DCLK1: variants seen among roughly 807,000 people sequenced by gnomAD.
The protein encoded by DCLK1 is doublecortin like kinase 1.
Under a neutral mutation model 86.2 loss-of-function variants are expected in DCLK1, and 16 were observed. That is an observed-to-expected ratio of 0.19 (90% CI 0.13 to 0.28). The LOEUF is 0.28. Among genes scored for constraint, DCLK1 ranks in the 10% least tolerant of loss-of-function variants. The pLI, the probability that DCLK1 is intolerant of heterozygous loss-of-function variation, is 1.00. For synonymous variants in DCLK1, 369 were observed against 370.5 expected (o/e 1.00, Z 0.05); for missense variants, 590 against 940.2 (o/e 0.63, Z 4.87).
intron 2 of DCLK1, among the ~76,000 whole-genome samples, chr13:36,119,826 G>A (rs1365725270): frequency 2.0e-5 from 3 of 152,184 alleles, no homozygotes; most frequent in Non-Finnish European, 2.9e-5. Context: ...TATCAGTGGG[G>A]AAACGAAGGA....
intron 4 of DCLK1, among the ~76,000 whole-genome samples, chr13:35,901,491 CAAAA>C (rs58801666): frequency 0.044 from 2,003 of 45,564 alleles, 34 homozygotes; most frequent in African/African-American, 0.19. Context: ...GACTCTGTCT[CAAAA>C]AAAAAAAAAA....
At chr13:35,986,130 C>T (rs7981608) in intron 3 of DCLK1, among the ~76,000 whole-genome samples, 54,195 of 151,134 alleles carry the variant, frequency 0.36, 10,917 homozygotes, top group Non-Finnish European at 0.44. Context: ...GGTAAAATCC[C>T]GTCTCTACTA....
At chr13:35,783,954 T>C (rs1402385936) in intron 16 of DCLK1, among the ~76,000 whole-genome samples, 2 of 152,232 alleles carry the variant, frequency 1.3e-5, no homozygotes, top group Admixed American at 6.5e-5. Flanking sequence ...TATTTCAGCC[T>C]ATGAATACTT....
chr13:36,002,443 T>G (rs975034436), intron 3 of DCLK1, among the ~76,000 whole-genome samples: 1 of 152,222 alleles, frequency 6.6e-6, no homozygotes, highest in Non-Finnish European at 1.5e-5. Context: ...CCTTCAACGT[T>G]AAATAACAAC....
At chr13:35,787,131 A>G (rs1445171578) in intron 16 of DCLK1, among the ~76,000 whole-genome samples, 1 of 151,388 alleles carries the variant, frequency 6.6e-6, no homozygotes, top group Non-Finnish European at 1.5e-5. Context: ...TAACATATAT[A>G]CTTTATATGT....
intron 3 of DCLK1, among the ~76,000 whole-genome samples, chr13:36,000,196 C>T (rs1880650309): frequency 6.6e-6 from 1 of 152,156 alleles, no homozygotes; most frequent in Non-Finnish European, 1.5e-5. Flanking sequence ...TATTAATGGC[C>T]GTTCCCCTCA....
Position 35,793,359 on chromosome 13 carries a change from T to G in DCLK1, c.2058+7A>C. ...AAAAGTTATAGGTGGATATTTCAGA[T>G]GCTTACTGCTATGACAGAAACTCCA... On this transcript the variant is annotated splice_region_variant and intron_variant, in intron 16 of 16. Transcript: ENST00000360631. 1 of 1,600,746 alleles carries G rather than the reference T, an allele frequency of 6.2e-7. No homozygotes were observed. The highest frequency in any genetic ancestry group is 8.5e-7 in the Non-Finnish European group (1 of 1,174,474).
intron 16 of DCLK1, among the ~76,000 whole-genome samples, chr13:35,779,038 G>A (rs1008422973): frequency 9.9e-5 from 15 of 150,946 alleles, no homozygotes; most frequent in Admixed American, 7.3e-4. Context: ...TTATTTTCTC[G>A]GAGTCTCACT....
intron 3 of DCLK1, among the ~76,000 whole-genome samples, chr13:35,959,676 T>G (rs998069507): frequency 3.3e-5 from 5 of 152,118 alleles, no homozygotes; most frequent in East Asian, 1.9e-4. Flanking sequence ...AGGGGAGAAT[T>G]CCAGCAGCCA....
chr13:35,855,405 C>T, intron 5 of DCLK1: 2 of 1,136,850 alleles, frequency 1.8e-6, no homozygotes, highest in Non-Finnish European at 2.5e-6. Flanking sequence ...AATGGCATTA[C>T]AGCCCCACAG....
At position 35,768,819 on chromosome 13, in the gene DCLK1, T is replaced by C. The variant is rs777840602; in HGVS notation, c.*5716A>G. On this transcript the variant is annotated 3_prime_UTR_variant, in exon 17 of 17. Transcript: ENST00000360631. ...AGCTACACTCTGACCGCATGACTAA[T>C]TTTTAAAGCCTTGCATAGAGAGAAT... The C allele has an allele frequency of 1.3e-5, 2 of 152,252 alleles. No individual in the cohort carries two copies. The highest frequency in any genetic ancestry group is 2.9e-5 in the Non-Finnish European group (2 of 68,044). 9.4% of individuals were successfully genotyped at this position (152,252 alleles called of 1,614,324 possible).
chr13:35,850,686 A>G lies in DCLK1; in HGVS notation c.1035+3813T>C, dbSNP rs116818636. 3.8e-4 allele frequency: 575 copies of G among 1,533,150 alleles called. 5 individuals are homozygous for G. In the African/African-American group the frequency reaches 7.1e-3, roughly 19 times the overall value. The allele number at this position is 1,533,150 out of a possible 1,614,324, so 95.0% of individuals were successfully genotyped here. The stretch of plus-strand genomic sequence containing the variant: ...TTCAGAAATGTGAAACCTTCACCCA[A>G]TCACAAACCATATACATTGCTCCAT... On this transcript the variant is annotated intron_variant, in intron 6 of 16. Transcript: ENST00000360631.
chr13:35,935,051 A>G (rs1280463435), intron 4 of DCLK1, among the ~76,000 whole-genome samples: 1 of 152,174 alleles, frequency 6.6e-6, no homozygotes, highest in Non-Finnish European at 1.5e-5. Flanking sequence ...CTTGAACCTC[A>G]AAGGACAAGA....
Position 35,878,334 on chromosome 13 carries a change from C to G in DCLK1, c.824-6994G>C, listed in dbSNP as rs545598090. Among the ~76,000 whole-genome samples, 4 of 152,172 alleles carry G rather than the reference C, an allele frequency of 2.6e-5. No homozygotes were observed. The East Asian group carries it at 7.7e-4, about 29-fold the overall frequency. On this transcript the variant is annotated intron_variant, in intron 4 of 16. Transcript: ENST00000360631. ...GCCTGCATCTAGTAAGAACTGAGGCCCATCTGGTTTCTTCTACTCCACCCG... is the reference window on the plus strand; with the variant it reads ...GCCTGCATCTAGTAAGAACTGAGGCGCATCTGGTTTCTTCTACTCCACCCG...
At chr13:35,851,719 T>C (rs954528139) in intron 6 of DCLK1, among the ~76,000 whole-genome samples, 1 of 152,210 alleles carries the variant, frequency 6.6e-6, no homozygotes, top group Non-Finnish European at 1.5e-5. Flanking sequence ...ATAGGTTACT[T>C]GGTACATTGC....
chr13:35,944,563 T>C (rs1327467758), intron 4 of DCLK1, among the ~76,000 whole-genome samples: 1 of 152,230 alleles, frequency 6.6e-6, no homozygotes, highest in Non-Finnish European at 1.5e-5. Flanking sequence ...TGTCAATGTG[T>C]GAATTTAGTC....
chr13:35,958,261 C>CCACCACCAGT (rs1878228812), intron 3 of DCLK1, among the ~76,000 whole-genome samples: 1 of 34,092 alleles, frequency 2.9e-5, no homozygotes, highest in African/African-American at 1.1e-4. Flanking sequence ...ACTACCACTA[C>CCACCACCAGT]TATAACCATT....
intron 10 of DCLK1, among the ~76,000 whole-genome samples, chr13:35,826,562 A>AGGAGG (rs1566553381): frequency 3.7e-5 from 1 of 26,810 alleles, no homozygotes; most frequent in African/African-American, 6.5e-5. Flanking sequence ...AAAGAAAGAA[A>AGGAGG]CAAGTCCTAA....
intron 3 of DCLK1, among the ~76,000 whole-genome samples, chr13:36,025,746 G>C (rs927775865): frequency 3.3e-5 from 5 of 152,152 alleles, no homozygotes; most frequent in African/African-American, 1.2e-4. Flanking sequence ...AATGGTATGG[G>C]AGAGAAAGAT....
Sources: gnomAD v4.1 joint callset for allele counts (sites outside exome capture counted in the v4.1 genomes callset) on GRCh38, gnomAD v4.1.1 for gene constraint, MANE v1.5 for transcripts, NCBI Gene and HGNC (gene_info 2026-07-23, HGNC 2026-07-21) for gene names.